CARS1: variants seen among roughly 807,000 people sequenced by gnomAD.
CARS1 encodes the protein cysteine--tRNA ligase, cytoplasmic.
Under a neutral mutation model 106.2 loss-of-function variants are expected in CARS1, and 48 were observed. The ratio of observed to expected loss-of-function variants is 0.45; its 90% CI spans 0.36 to 0.57. The LOEUF is 0.57. Ranked by LOEUF, CARS1 falls within the 20% of genes least tolerant of loss-of-function variation. The pLI is 0.00. For missense variants in CARS1, 968 were observed against 1,057.2 expected (o/e 0.92, Z 1.17); for synonymous variants, 409 against 403.4 (o/e 1.01, Z -0.17).
chr11:3,044,006 G>A lies in CARS1; in HGVS notation c.275-1750C>T, dbSNP rs941438302. ...AGGCCAAGTGCAGCTCGGCCTCAGT[G>A]TACTTTAAATGCCTCACAAGCCCTT... On this transcript the variant is annotated intron_variant, in intron 2 of 22. Transcript: ENST00000380525. The surrounding 1 kb of genome is among the most constrained non-coding windows in gnomAD (Gnocchi z 4.4). 6.6e-6 allele frequency among the ~76,000 whole-genome samples: 1 copy of A among 152,212 alleles called. No individual in the cohort carries two copies. Among genetic ancestry groups the A allele is most frequent in the African/African-American group, 2.4e-5 (1 of 41,452 alleles).
At chr11:3,002,089 A>G in intron 21 of CARS1, 36 bp from the exon 22 acceptor site, 3 of 1,415,340 alleles carry the variant, frequency 2.1e-6, no homozygotes, top group Non-Finnish European at 3.0e-6. Flanking sequence ...ACTGCCCCCG[A>G]GCAGCACCTG....
Position 3,057,269 on chromosome 11 carries a change from G to A in CARS1, c.25+74C>T, listed in dbSNP as rs965447423. On this transcript the variant is annotated intron_variant, in intron 1 of 22. Transcript: ENST00000380525. ...GGCCCCTCAGACATAAGGACTCGCT[G>A]CCCTTCGAGCCGAGCACCCAGCGCC... 5 of 1,321,840 alleles carry A rather than the reference G, an allele frequency of 3.8e-6. No homozygotes were observed. In the Admixed American group the frequency reaches 7.4e-5, roughly 20 times the overall value. The allele number at this position is 1,321,840 out of a possible 1,614,324, so 81.9% of individuals were successfully genotyped here.
chr11:3,011,404 G>C (rs1485628641), intron 18 of CARS1, among the ~76,000 whole-genome samples: 1 of 150,738 alleles, frequency 6.6e-6, no homozygotes, highest in Non-Finnish European at 1.5e-5. Context: ...AGGAGATCGA[G>C]ACCATCCTGG....
chr11:3,047,996 C>T lies in CARS1; in HGVS notation c.31G>A (p.Asp11Asn), dbSNP rs1167398469. ...CTAATGCTCAGAATGGACCTGTAGTCAGGAGCTGCAAAGACAGAGGGCACA... is the reference window on the plus strand; with the variant it reads ...CTAATGCTCAGAATGGACCTGTAGTTAGGAGCTGCAAAGACAGAGGGCACA... MADSSGQQAP[D>N]YRSILSISDE... Residue 11 changes from aspartate (D) to asparagine (N), a missense_variant, in exon 2 of 23, where the codon GAC (aspartate) becomes AAC (asparagine). By Grantham distance (23) the Asp-to-Asn change is conservative. Transcript: ENST00000380525. The T allele has an allele frequency of 1.2e-6, 2 of 1,612,848 alleles. No individual in the cohort carries two copies. Among genetic ancestry groups the T allele is most frequent in the East Asian group, 4.5e-5 (2 of 44,838 alleles).
intron 18 of CARS1, among the ~76,000 whole-genome samples, chr11:3,011,315 T>C (rs2134113460): frequency 6.6e-6 from 1 of 152,128 alleles, no homozygotes; most frequent in Middle Eastern, 3.4e-3. Flanking sequence ...TTTCAAAAGA[T>C]GAAGGAATGG....
intron 1 of CARS1, chr11:3,055,097 G>A (rs1247081921): frequency 1.6e-6 from 1 of 618,220 alleles, no homozygotes; most frequent in East Asian, 2.7e-5. Flanking sequence ...ACTTAGGGAA[G>A]ATGGTACAAA....
intron 17 of CARS1, among the ~76,000 whole-genome samples, chr11:3,012,884 C>CT (rs768906268): frequency 0.16 from 19,134 of 116,876 alleles, 1,919 homozygotes; most frequent in African/African-American, 0.21. Flanking sequence ...CTATATTTCC[C>CT]TTTTTTTTTT....
In CARS1 at chr11:3,017,265, T is replaced by C. The variant is rs1365909262; in HGVS notation, c.1758A>G (p.Lys586=). Residue 586 remains lysine (K), a synonymous_variant, in exon 16 of 23, where the codon AAA becomes AAG. Transcript: ENST00000380525. This position sits in a 1 kb window ranked among gnomAD's most constrained non-coding sequence, Gnocchi z 4.9. ...NFYDKKTAIH[K]ALCDNVDTRT... ...GGGTGTCAACATTGTCACAGAGGGC[T>C]TTGTGAATTGCTGTCTTCTTGTCAT... 6.2e-7 allele frequency: 1 copy of C among 1,614,010 alleles called. No homozygotes were observed. The highest frequency in any genetic ancestry group is 2.2e-5 in the East Asian group (1 of 44,876).
At position 3,039,334 on chromosome 11, in the gene CARS1, C is replaced by T. The variant is rs370739182; in HGVS notation, c.553-42G>A. On this transcript the variant is annotated intron_variant, in intron 5 of 22. Transcript: ENST00000380525. The surrounding 1 kb of genome is among the most constrained non-coding windows in gnomAD (Gnocchi z 5.6). ...GACATTGGGGAGTGATGCTTGGATC[C>T]CACATGCATCCCTCTGCAGCAGGCC... 3.9e-5 allele frequency: 46 copies of T among 1,185,000 alleles called. No homozygotes were observed. The African/African-American group carries it at 5.6e-4, about 14-fold the overall frequency. 73.4% of individuals were successfully genotyped at this position (1,185,000 alleles called of 1,614,324 possible).
intron 20 of CARS1, 51 bp downstream of exon 20, chr11:3,005,315 T>A (rs757679888): frequency 6.6e-6 from 9 of 1,361,060 alleles, no homozygotes; most frequent in Middle Eastern, 1.8e-4. Flanking sequence ...ATCGCAATGG[T>A]TTTTACATTT....
rs978029937 is a variant in CARS1, at chr11:3,017,682, A to G, written c.1727+175T>C. On this transcript the variant is annotated intron_variant, in intron 15 of 22. Coordinates refer to ENST00000380525, the MANE Select transcript of CARS1 (RefSeq NM_001014437.3). This position sits in a 1 kb window ranked among gnomAD's most constrained non-coding sequence, Gnocchi z 4.9. ...AAAAAAGAAATTCTCCATGCACTTC[A>G]ACACCCAGAGCAGCTCCCATTAGCA... 5.1e-6 allele frequency: 3 copies of G among 591,578 alleles called. No homozygotes were observed. The African/African-American group carries it at 5.6e-5, about 11-fold the overall frequency. The allele number at this position is 591,578 out of a possible 1,614,324, so 36.6% of individuals were successfully genotyped here.
At chr11:3,042,424 C>A (rs1854585307) in intron 2 of CARS1, 168 bp from the exon 3 acceptor site, 3 of 569,442 alleles carry the variant, frequency 5.3e-6, no homozygotes, top group Admixed American at 3.3e-5. Context: ...TCAAAGACAA[C>A]TGCGTCTTTT....
intron 7 of CARS1, chr11:3,031,364 C>T (rs1311687019): frequency 1.3e-5 from 2 of 152,076 alleles, no homozygotes; most frequent in Non-Finnish European, 2.9e-5. Flanking sequence ...GGGAAATATA[C>T]ACACTTCAAG....
In CARS1 at chr11:3,012,121, C is replaced by T. The variant is rs538755429; in HGVS notation, c.2068+74G>A. ...ATCCGGCCTGAACGCCATAGTGCCT[C>T]GGGGGAGACGCCCGGTCCGGGGAGC... On this transcript the variant is annotated intron_variant, in intron 18 of 22. Coordinates refer to ENST00000380525, the MANE Select transcript of CARS1 (RefSeq NM_001014437.3). 424 of 1,348,652 alleles carry T rather than the reference C, an allele frequency of 3.1e-4. 1 individual carries two copies. The highest frequency in any genetic ancestry group is 4.1e-4 in the Non-Finnish European group (383 of 939,138). 83.5% of individuals were successfully genotyped at this position (1,348,652 alleles called of 1,614,324 possible).
Position 3,028,977 on chromosome 11 carries a change from G to A in CARS1, c.1031+19C>T, listed in dbSNP as rs1292876548. On this transcript the variant is annotated intron_variant, in intron 9 of 22. Coordinates refer to ENST00000380525, the MANE Select transcript of CARS1 (RefSeq NM_001014437.3). The surrounding 1 kb of genome is among the most constrained non-coding windows in gnomAD (Gnocchi z 4.4). ...TGTTCTGCAGCCCTTCCCTCCCTAG[G>A]GAAGGCCCTTGTGCTTACCCGTAAC... The A allele has an allele frequency of 6.3e-7, 1 of 1,580,294 alleles. No individual in the cohort carries two copies. Among genetic ancestry groups the A allele is most frequent in the Non-Finnish European group, 8.7e-7 (1 of 1,149,370 alleles).
At chr11:3,047,689 T>A (rs1269859366) in intron 2 of CARS1, 64 bp downstream of exon 2, 1 of 1,541,980 alleles carries the variant, frequency 6.5e-7, no homozygotes, top group Non-Finnish European at 8.8e-7. Flanking sequence ...ACCAGGGTGA[T>A]GGAGAAAGCC....
rs1855055716 is a variant in CARS1, at chr11:3,046,173, G to C, written c.274+1580C>G. 6.6e-6 allele frequency among the ~76,000 whole-genome samples: 1 copy of C among 152,196 alleles called. No homozygotes were observed. The highest frequency in any genetic ancestry group is 2.1e-4 in the South Asian group (1 of 4,834). ...ACGTGGCTCTGCTTCCTCTCTGTAGGTTAAAAAGTGTTTGCAAGAGCAAAA... is the reference window on the plus strand; with the variant it reads ...ACGTGGCTCTGCTTCCTCTCTGTAGCTTAAAAAGTGTTTGCAAGAGCAAAA... On this transcript the variant is annotated intron_variant, in intron 2 of 22. Transcript: ENST00000380525. The surrounding 1 kb of genome is among the most constrained non-coding windows in gnomAD (Gnocchi z 5.8).
chr11:3,040,807 T>A lies in CARS1; in HGVS notation c.455+89A>T. 7.6e-7 allele frequency: 1 copy of A among 1,312,608 alleles called. No homozygotes were observed. Among genetic ancestry groups the A allele is most frequent in the Non-Finnish European group, 1.1e-6 (1 of 932,914 alleles). 81.3% of individuals were successfully genotyped at this position (1,312,608 alleles called of 1,614,324 possible). On this transcript the variant is annotated intron_variant, in intron 4 of 22. Transcript: ENST00000380525. The surrounding 1 kb of genome is among the most constrained non-coding windows in gnomAD (Gnocchi z 5.8). ...CTCTGTAGCAGATCTAAGATCTTTGTGGACCTAAGATCGCTGCTGTGGATC... is the reference window on the plus strand; with the variant it reads ...CTCTGTAGCAGATCTAAGATCTTTGAGGACCTAAGATCGCTGCTGTGGATC...
intron 7 of CARS1, chr11:3,031,055 A>T (rs1852692445): frequency 6.6e-6 from 1 of 152,240 alleles, no homozygotes; most frequent in Non-Finnish European, 1.5e-5. Context: ...AACCCAGAGG[A>T]GAGGAGAGAG....
Sources: gnomAD v4.1 joint callset for allele counts (sites outside exome capture counted in the v4.1 genomes callset) on GRCh38, gnomAD v4.1.1 for gene constraint, Gnocchi (gnomAD v3.1) non-coding constraint, MANE v1.5 for transcripts, NCBI Gene and HGNC (gene_info 2026-07-23, HGNC 2026-07-21) for gene names.